The following CTNND2 variants were observed in gnomAD, a reference collection of about 807,000 sequenced individuals.
CTNND2 encodes the protein catenin delta 2.
CTNND2 carries 22 observed loss-of-function variants against 144.4 expected under a neutral mutation model. The observed-to-expected ratio is 0.15, with a 90% CI of 0.11 to 0.22. The LOEUF (loss-of-function observed/expected upper bound fraction) is 0.22. Ranked by LOEUF, CTNND2 falls within the 10% of genes least tolerant of loss-of-function variation. CTNND2 has a pLI of 1.00. For missense variants in CTNND2, 1,353 were observed against 1,618.8 expected, an observed-to-expected ratio of 0.84 and a Z score of 2.82; for synonymous variants, 751 against 695.6, an observed-to-expected ratio of 1.08 and a Z score of -1.25.
chr5:11,519,085 A>C (rs1772479904), intron 3 of CTNND2, among the ~76,000 whole-genome samples: 1 of 152,058 alleles, frequency 6.6e-6, no homozygotes, highest in African/African-American at 2.4e-5. Flanking sequence ...GTTCTCCCTA[A>C]CATCATCATT....
chr5:11,096,707 T>C (rs1751384788), intron 15 of CTNND2, among the ~76,000 whole-genome samples: 1 of 151,574 alleles, frequency 6.6e-6, no homozygotes. Context: ...TACATGATAA[T>C]GAAATAAGTA....
intron 14 of CTNND2, among the ~76,000 whole-genome samples, chr5:11,099,838 T>C (rs1446994939): frequency 6.6e-6 from 1 of 152,152 alleles, no homozygotes; most frequent in Admixed American, 6.5e-5. Context: ...AAAATCACAG[T>C]AAAATAAACA....
intron 2 of CTNND2, among the ~76,000 whole-genome samples, chr5:11,607,595 A>C (rs553164353): frequency 6.6e-6 from 1 of 152,314 alleles, no homozygotes; most frequent in South Asian, 2.1e-4. Flanking sequence ...GACACAAATG[A>C]TTGTTATTTG....
At chr5:11,498,780 T>A (rs1244370895) in intron 3 of CTNND2, among the ~76,000 whole-genome samples, 3 of 152,246 alleles carry the variant, frequency 2.0e-5, no homozygotes, top group African/African-American at 7.2e-5. Context: ...ACAAATTTTT[T>A]AAAGCATATC....
At chr5:11,226,825 T>A (rs1036049613) in intron 10 of CTNND2, among the ~76,000 whole-genome samples, 10 of 152,344 alleles carry the variant, frequency 6.6e-5, no homozygotes, top group Non-Finnish European at 1.2e-4. Flanking sequence ...CATGGGGGTC[T>A]ATTTTGTTCA....
intron 12 of CTNND2, among the ~76,000 whole-genome samples, chr5:11,143,239 C>G (rs1218157626): frequency 1.3e-5 from 2 of 152,162 alleles, no homozygotes; most frequent in African/African-American, 4.8e-5. Flanking sequence ...AGAAACTCTC[C>G]ATGACTTCCC....
chr5:11,021,511 T>C (rs928566738), intron 17 of CTNND2, among the ~76,000 whole-genome samples: 1 of 152,182 alleles, frequency 6.6e-6, no homozygotes, highest in African/African-American at 2.4e-5. Context: ...AGCACTTTAT[T>C]GTAAGTACAA....
chr5:11,643,183 T>C (rs1782156132), intron 2 of CTNND2, among the ~76,000 whole-genome samples: 1 of 152,318 alleles, frequency 6.6e-6, no homozygotes, highest in Non-Finnish European at 1.5e-5. Context: ...GTGTGTATGC[T>C]TGCACGTTTT....
chr5:11,451,740 C>T (rs896351769), intron 3 of CTNND2, among the ~76,000 whole-genome samples: 1 of 152,136 alleles, frequency 6.6e-6, no homozygotes, highest in African/African-American at 2.4e-5. Flanking sequence ...TTACATAATT[C>T]GCACGTTCAA....
chr5:11,879,921 G>T (rs1005154531), intron 1 of CTNND2, among the ~76,000 whole-genome samples: 2 of 152,090 alleles, frequency 1.3e-5, no homozygotes, highest in African/African-American at 4.8e-5. Context: ...GACGAAATAG[G>T]GACATACGAC....
chr5:11,396,214 A>C (rs556868448), intron 6 of CTNND2, among the ~76,000 whole-genome samples: 2 of 152,350 alleles, frequency 1.3e-5, no homozygotes, highest in Non-Finnish European at 2.9e-5. Flanking sequence ...AGAAGGACTT[A>C]TGTTGCTGAA....
chr5:11,152,322 G>A (rs1757813427), intron 12 of CTNND2, among the ~76,000 whole-genome samples: 1 of 152,138 alleles, frequency 6.6e-6, no homozygotes, highest in Admixed American at 6.5e-5. Context: ...TTCTATGTAT[G>A]GATACGTTTA....
intron 10 of CTNND2, among the ~76,000 whole-genome samples, chr5:11,209,074 A>G (rs902703041): frequency 5.9e-5 from 9 of 152,204 alleles, no homozygotes; most frequent in African/African-American, 2.2e-4. Context: ...ATAAGTATAA[A>G]GAAATGCTCT....
At chr5:11,404,974 G>A (rs543882329) in intron 5 of CTNND2, among the ~76,000 whole-genome samples, 1 of 152,272 alleles carries the variant, frequency 6.6e-6, no homozygotes, top group East Asian at 1.9e-4. Flanking sequence ...GTTACTGAGA[G>A]AGTCCTCTCC....
At chr5:11,450,847 G>A (rs1308940632) in intron 3 of CTNND2, among the ~76,000 whole-genome samples, 2 of 134,878 alleles carry the variant, frequency 1.5e-5, no homozygotes, top group African/African-American at 5.5e-5. Context: ...ACAGTGAGCC[G>A]AGATTGCGCC....
intron 3 of CTNND2, among the ~76,000 whole-genome samples, chr5:11,420,095 C>T (rs31881): frequency 0.043 from 6,506 of 152,108 alleles, 217 homozygotes; most frequent in South Asian, 0.094. Flanking sequence ...GAGGCCGAGG[C>T]GGGCGATCAC....
At chr5:11,481,088 C>T (rs1413209027) in intron 3 of CTNND2, among the ~76,000 whole-genome samples, 1 of 152,184 alleles carries the variant, frequency 6.6e-6, no homozygotes, top group Admixed American at 6.5e-5. Context: ...CTCCAAATGT[C>T]ATCATCAACA....
intron 2 of CTNND2, among the ~76,000 whole-genome samples, chr5:11,718,020 A>C (rs1344405153): frequency 6.6e-6 from 1 of 152,246 alleles, no homozygotes; most frequent in Non-Finnish European, 1.5e-5. Flanking sequence ...ATAAAACATC[A>C]GGACTCTTGA....
chr5:11,782,647 T>C (rs555012810), intron 1 of CTNND2, among the ~76,000 whole-genome samples: 1 of 152,214 alleles, frequency 6.6e-6, no homozygotes. Flanking sequence ...TCAATCAGCA[T>C]TCCAAAAAAA....
Sources: gnomAD v4.1 joint callset for allele counts (sites outside exome capture counted in the v4.1 genomes callset) on GRCh38, gnomAD v4.1.1 for gene constraint, MANE v1.5 for transcripts, NCBI Gene and HGNC (gene_info 2026-07-23, HGNC 2026-07-21) for gene names.